The following NUAK1 variants were observed in gnomAD, a reference collection of about 807,000 sequenced individuals.
NUAK1 encodes the protein NUAK family SNF1-like kinase 1.
A neutral mutation model predicts 56.9 loss-of-function variants in NUAK1; 26 were observed. The ratio of observed to expected loss-of-function variants is 0.46; its 90% confidence interval spans 0.33 to 0.63. The LOEUF (loss-of-function observed/expected upper bound fraction) is 0.63, where lower values mean the gene tolerates loss of function less well. NUAK1 is among the 30% of genes least tolerant of loss of function. The pLI is 0.02. For synonymous variants in NUAK1, 337 were observed against 336.0 expected (o/e 1.00, Z -0.03); for missense variants, 727 against 876.1 (o/e 0.83, Z 2.15).
At position 106,067,651 on chromosome 12, in the gene NUAK1, C is replaced by T. The variant is rs748804361; in HGVS notation, c.1137G>A (p.Gln379=). 6.2e-7 allele frequency: 1 copy of T among 1,614,146 alleles called. No homozygotes were observed. Among genetic ancestry groups the T allele is most frequent in the Non-Finnish European group, 8.5e-7 (1 of 1,180,058 alleles). Reference sequence around the variant, plus strand: ...TTTCAGGCACTGCATCCTGACCAGACTGAGCAAAGTCATTCTCTTTCTTGG... The same window carrying T: ...TTTCAGGCACTGCATCCTGACCAGATTGAGCAAAGTCATTCTCTTTCTTGG... ...KKSKKENDFA[Q]SGQDAVPESP... The change falls in exon 7 of 7, where the codon CAG becomes CAA. Residue 379 remains glutamine, a synonymous_variant. Coordinates refer to ENST00000261402, the MANE Select transcript of NUAK1 (RefSeq NM_014840.3). The surrounding 1 kb of genome is among the most constrained non-coding windows in gnomAD (Gnocchi z 6.0).
At chr12:106,082,370 G>C (rs373074314) in intron 4 of NUAK1, among the ~76,000 whole-genome samples, 1 of 152,184 alleles carries the variant, frequency 6.6e-6, no homozygotes, top group East Asian at 1.9e-4. Context: ...ATTTGGACAC[G>C]AGTGCTTAGC....
At chr12:106,069,895 C>A (rs1261909972) in intron 6 of NUAK1, among the ~76,000 whole-genome samples, 1 of 152,110 alleles carries the variant, frequency 6.6e-6, no homozygotes, top group Non-Finnish European at 1.5e-5. Flanking sequence ...TGTACACACT[C>A]TCTATACAGG....
At chr12:106,092,675 G>C (rs1392820334) in intron 2 of NUAK1, among the ~76,000 whole-genome samples, 6 of 152,088 alleles carry the variant, frequency 3.9e-5, no homozygotes, top group Admixed American at 3.3e-4. Context: ...ATAGACATTT[G>C]GGCTGTTTCC....
At chr12:106,108,063 A>G (rs1050499889) in intron 1 of NUAK1, among the ~76,000 whole-genome samples, 1 of 152,132 alleles carries the variant, frequency 6.6e-6, no homozygotes, top group Non-Finnish European at 1.5e-5. Flanking sequence ...GGTAGATAAA[A>G]AACGAAGGAA....
chr12:106,108,349 A>C (rs755323421), intron 1 of NUAK1, among the ~76,000 whole-genome samples: 3 of 152,100 alleles, frequency 2.0e-5, no homozygotes, highest in Non-Finnish European at 4.4e-5. Flanking sequence ...CCTCCCTTCG[A>C]CCCTGGGTGG....
At chr12:106,080,563 A>G (rs1382530786) in intron 4 of NUAK1, among the ~76,000 whole-genome samples, 1 of 152,234 alleles carries the variant, frequency 6.6e-6, no homozygotes, top group East Asian at 1.9e-4. Flanking sequence ...GAATATTTTT[A>G]GAAACCACAC....
intron 2 of NUAK1, among the ~76,000 whole-genome samples, chr12:106,098,305 A>G (rs2032714244): frequency 6.6e-6 from 1 of 152,212 alleles, no homozygotes. Flanking sequence ...AGAATATTTG[A>G]GAATACAGAC....
intron 5 of NUAK1, 109 bp from the exon 6 acceptor site, chr12:106,071,015 A>T: frequency 2.6e-6 from 3 of 1,157,750 alleles, no homozygotes; most frequent in Non-Finnish European, 3.7e-6. Context: ...CAGCCCCAGG[A>T]ACTGAATTTA....
rs374601052 is a variant in NUAK1 at position 106,132,863 on chromosome 12, A to G, written c.240+5551T>C. Among the ~76,000 whole-genome samples the G allele has an allele frequency of 1.1e-4, 16 of 152,290 alleles. No individual in the cohort carries two copies. The East Asian group carries it at 2.7e-3, about 26-fold the overall frequency. On this transcript the variant is annotated intron_variant, in intron 1 of 6. Coordinates refer to ENST00000261402, the MANE Select transcript of NUAK1 (RefSeq NM_014840.3). ...CCCCACTGTGATCAGAACCCAGCTC[A>G]GACCCCTCTAGAGGAAGAGTTAAGG...
intron 4 of NUAK1, among the ~76,000 whole-genome samples, chr12:106,074,851 T>C (rs534048031): frequency 5.8e-4 from 89 of 152,300 alleles, no homozygotes; most frequent in African/African-American, 1.5e-3. Context: ...CGGGCTCAGA[T>C]TGCACTTCAT....
intron 3 of NUAK1, 128 bp from the exon 4 acceptor site, chr12:106,084,057 T>C: frequency 1.3e-6 from 1 of 765,286 alleles, no homozygotes; most frequent in East Asian, 2.6e-5. Context: ...AGCCCGGTGG[T>C]CTTCACCTCC....
intron 3 of NUAK1, among the ~76,000 whole-genome samples, chr12:106,085,763 G>A (rs1035084856): frequency 2.0e-5 from 3 of 152,150 alleles, no homozygotes; most frequent in Non-Finnish European, 4.4e-5. Context: ...CTGGAGAGCA[G>A]TGGCACCATC....
intron 4 of NUAK1, among the ~76,000 whole-genome samples, chr12:106,075,662 A>G (rs1276697241): frequency 6.6e-6 from 1 of 152,260 alleles, no homozygotes; most frequent in Non-Finnish European, 1.5e-5. Context: ...TCCCAATGCC[A>G]GGGACTCTTG....
At chr12:106,098,757 G>A (rs757984548) in intron 2 of NUAK1, among the ~76,000 whole-genome samples, 18 of 152,126 alleles carry the variant, frequency 1.2e-4, no homozygotes, top group Non-Finnish European at 2.2e-4. Context: ...TGGTTTTGCA[G>A]ATCGGGTCTC....
rs2033124719 is a variant in NUAK1 at position 106,135,846 on chromosome 12, G to A, written c.240+2568C>T. Reference sequence around the variant, plus strand: ...CCAAGTTCATATTTTAGATGAAAATGTCTTACTGCTCTTAACAGGTTCTGA... The same window carrying A: ...CCAAGTTCATATTTTAGATGAAAATATCTTACTGCTCTTAACAGGTTCTGA... On this transcript the variant is annotated intron_variant, in intron 1 of 6. Coordinates refer to ENST00000261402, the MANE Select transcript of NUAK1 (RefSeq NM_014840.3). Among the ~76,000 whole-genome samples, 2 of 152,198 alleles carry A rather than the reference G, an allele frequency of 1.3e-5. 1 individual carries two copies. Among genetic ancestry groups the A allele is most frequent in the South Asian group, 4.1e-4 (2 of 4,832 alleles).
chr12:106,120,919 A>G (rs780756310), intron 1 of NUAK1, among the ~76,000 whole-genome samples: 4 of 152,202 alleles, frequency 2.6e-5, no homozygotes, highest in Non-Finnish European at 5.9e-5. Context: ...TTCTGCTGTC[A>G]GCATGCTCTA....
At chr12:106,071,005 C>G (rs1303561803) in intron 5 of NUAK1, 99 bp from the exon 6 acceptor site, 3 of 1,343,342 alleles carry the variant, frequency 2.2e-6, no homozygotes, top group East Asian at 2.4e-5. Context: ...CCACCCCCAG[C>G]AGCCCCAGGA....
intron 1 of NUAK1, among the ~76,000 whole-genome samples, chr12:106,116,561 T>C (rs533186722): frequency 9.9e-5 from 15 of 152,230 alleles, no homozygotes; most frequent in Admixed American, 8.5e-4. Flanking sequence ...ATAAACTGAG[T>C]CTGAGGGAAG....
chr12:106,074,438 A>C (rs2032440521), intron 4 of NUAK1, among the ~76,000 whole-genome samples: 1 of 152,128 alleles, frequency 6.6e-6, no homozygotes, highest in Admixed American at 6.5e-5. Context: ...TTTTTTGAAA[A>C]ACTCATTTAA....
Sources: allele counts gnomAD v4.1 joint callset (sites outside exome capture counted in the v4.1 genomes callset), GRCh38; gene constraint gnomAD v4.1.1; non-coding constraint Gnocchi (gnomAD v3.1); transcripts MANE v1.5; gene names NCBI Gene and HGNC (gene_info 2026-07-23, HGNC 2026-07-21).